WWC1: variants seen among roughly 807,000 people sequenced by gnomAD.
The protein encoded by WWC1 is protein KIBRA.
Under a neutral mutation model 138.4 loss-of-function variants are expected in WWC1, and 55 were observed. That is an observed-to-expected ratio of 0.40 (90% confidence interval 0.32 to 0.50). The LOEUF (loss-of-function observed/expected upper bound fraction) is 0.50, where lower values mean the gene tolerates loss of function less well. Ranked by LOEUF, WWC1 falls within the 20% of genes least tolerant of loss-of-function variation. The pLI is 0.72. For missense variants in WWC1, 1,226 were observed against 1,420.4 expected (o/e 0.86, Z 2.20); for synonymous variants, 524 against 564.9 (o/e 0.93, Z 1.03).
rs781184337 is a variant in WWC1, at chr5:168,414,470, G to A, written c.1064G>A (p.Arg355His). 22 of 1,567,832 alleles carry A rather than the reference G, an allele frequency of 1.4e-5. No individual in the cohort carries two copies. The highest frequency in any genetic ancestry group is 1.9e-5 in the Admixed American group (1 of 52,792). Residue 355 changes from arginine (R) to histidine (H), a missense_variant, in exon 9 of 23, where the codon CGC becomes CAC. By Grantham distance (29) the Arg-to-His change is conservative (BLOSUM62 0). Transcript: ENST00000265293. ...AAGGAGGAGCTGCTGAAGGAGATGC[G>A]CTTCATCAGCCCCCGCAAGTGGACC... ...NEKEELLKEMRFISPRKWTQG... is the reference protein window; with the variant it reads ...NEKEELLKEMHFISPRKWTQG...
rs1756089060 is a variant in WWC1, at chr5:168,454,119, A to G, written c.2658+19A>G. ...ATTAAAGGTAGGAAGGGCTGGGGGGATAGAAGGGCTGTCGTGGGGAAGGAA... is the reference window on the plus strand; with the variant it reads ...ATTAAAGGTAGGAAGGGCTGGGGGGGTAGAAGGGCTGTCGTGGGGAAGGAA... On this transcript the variant is annotated intron_variant, in intron 18 of 22. Transcript: ENST00000265293. The G allele has an allele frequency of 1.2e-6, 2 of 1,607,320 alleles. No individual in the cohort carries two copies. The highest frequency in any genetic ancestry group is 1.7e-5 in the Admixed American group (1 of 58,218).
chr5:168,446,261 A>T (rs976879092), intron 17 of WWC1, among the ~76,000 whole-genome samples: 5 of 137,962 alleles, frequency 3.6e-5, no homozygotes, highest in African/African-American at 1.4e-4. Context: ...AAAAAAAAAA[A>T]GGTTAGCAAG....
In WWC1 at chr5:168,469,204, A is replaced by G. The variant is rs968432131; in HGVS notation, c.*187A>G. On this transcript the variant is annotated 3_prime_UTR_variant, in exon 23 of 23. Transcript: ENST00000265293. ...GTTATTAAAAACAGAACAAAAACAA[A>G]ACACACACACACACAAAAACAGAAA... 8 of 579,182 alleles carry G rather than the reference A, an allele frequency of 1.4e-5. No homozygotes were observed. In the African/African-American group the frequency reaches 1.5e-4, roughly 11 times the overall value. The allele number at this position is 579,182 out of a possible 1,614,324, so 35.9% of individuals were successfully genotyped here.
chr5:168,301,815 A>G (rs1354128368), intron 1 of WWC1, among the ~76,000 whole-genome samples: 2 of 151,864 alleles, frequency 1.3e-5, no homozygotes, highest in South Asian at 4.2e-4. Flanking sequence ...AGGCCAACCT[A>G]CCCTCCTGTG....
intron 1 of WWC1, among the ~76,000 whole-genome samples, chr5:168,317,229 A>G (rs1480111905): frequency 2.0e-5 from 3 of 152,132 alleles, no homozygotes; most frequent in African/African-American, 7.2e-5. Context: ...CCAGTGCTGC[A>G]TTGTCTCAAG....
At position 168,414,571 on chromosome 5, in the gene WWC1, A is replaced by G; in HGVS notation, c.1165A>G (p.Ser389Gly). 1 of 1,552,788 alleles carries G rather than the reference A, an allele frequency of 6.4e-7. No homozygotes were observed. The highest frequency in any genetic ancestry group is 8.7e-7 in the Non-Finnish European group (1 of 1,148,318). The stretch of plus-strand genomic sequence containing the variant: ...CCTGCAGGCAGCCCGGGACACCCAG[A>G]GCAAGGCGCTGACGGAGAGGTGGGG... The part of the protein sequence containing the change: ...KDLQAARDTQ[S>G]KALTERLKLN... Residue 389 changes from serine to glycine, a missense_variant, in exon 9 of 23, where the codon AGC becomes GGC. Physicochemically the swap from Ser to Gly is moderately conservative, Grantham distance 56. This residue lies in a region of WWC1 where 1,016 missense variants were observed against 1,153.9 expected (regional missense o/e 0.88). Transcript: ENST00000265293.
At chr5:168,437,711 A>G (rs1582296755) in intron 15 of WWC1, among the ~76,000 whole-genome samples, 1 of 152,194 alleles carries the variant, frequency 6.6e-6, no homozygotes, top group African/African-American at 2.4e-5. Flanking sequence ...CAATACTCAC[A>G]CCTGTGAGCC....
intron 9 of WWC1, among the ~76,000 whole-genome samples, chr5:168,418,953 G>A (rs1780871875): frequency 6.6e-6 from 1 of 152,182 alleles, no homozygotes; most frequent in African/African-American, 2.4e-5. Context: ...CAGGGATTGA[G>A]CTGACCAAGA....
Position 168,338,521 on chromosome 5 carries a change from C to G in WWC1, c.120-32903C>G, listed in dbSNP as rs556565309. ...CCGCCTCCCGGGTTCAAGCGGTTCT[C>G]CTGCCTCAGCCTTCCGAGTAGCTGA... On this transcript the variant is annotated intron_variant, in intron 1 of 22. Transcript: ENST00000265293. 5.9e-5 allele frequency among the ~76,000 whole-genome samples: 9 copies of G among 151,334 alleles called. No homozygotes were observed. In the East Asian group the frequency reaches 1.8e-3, roughly 30 times the overall value.
At chr5:168,361,775 T>A (rs1775898689) in intron 1 of WWC1, among the ~76,000 whole-genome samples, 1 of 152,130 alleles carries the variant, frequency 6.6e-6, no homozygotes, top group South Asian at 2.1e-4. Context: ...GGGGCCTCAT[T>A]TGGGCAGCAG....
chr5:168,298,557 C>G (rs1005188321), intron 1 of WWC1, among the ~76,000 whole-genome samples: 2 of 152,156 alleles, frequency 1.3e-5, no homozygotes, highest in African/African-American at 2.4e-5. Context: ...TGGGAACATC[C>G]TATGTCAATT....
Position 168,464,783 on chromosome 5 carries a change from C to G in WWC1, c.2971C>G (p.Leu991Val). The change falls in exon 21 of 23, where the codon CTG (leucine) becomes GTG (valine). Residue 991 changes from leucine to valine, a missense_variant. Physicochemically the swap from Leu to Val is conservative, Grantham distance 32. Coordinates refer to ENST00000265293, the MANE Select transcript of WWC1 (RefSeq NM_015238.3). ...SERLIRTSLD[L>V]ELDLQATRTW... is the part of the protein sequence containing the mutation. ...GCGTCTGATCCGTACCTCGCTGGAC[C>G]TGGAGTTAGACCTGCAGGCGACAAG... 6.2e-7 allele frequency: 1 copy of G among 1,614,182 alleles called. No homozygotes were observed.
At chr5:168,350,043 C>A (rs555431910) in intron 1 of WWC1, among the ~76,000 whole-genome samples, 2 of 152,246 alleles carry the variant, frequency 1.3e-5, no homozygotes, top group Admixed American at 6.5e-5. Flanking sequence ...TATGGAAAAG[C>A]TCTCAGCTAA....
chr5:168,453,846 C>A, intron 17 of WWC1, 122 bp from the exon 18 acceptor site: 1 of 1,502,452 alleles, frequency 6.7e-7, no homozygotes, highest in Admixed American at 2.7e-5. Context: ...CCCCCCAAAA[C>A]TTTTTAAAAT....
At chr5:168,397,147 C>CT (rs551091855) in intron 3 of WWC1, among the ~76,000 whole-genome samples, 3,236 of 143,382 alleles carry the variant, frequency 0.023, 63 homozygotes, top group African/African-American at 0.045. Flanking sequence ...TTAAATTATT[C>CT]TTTTTTTTTT....
intron 1 of WWC1, among the ~76,000 whole-genome samples, chr5:168,310,380 C>A (rs10071387): frequency 0.75 from 112,801 of 150,688 alleles, 42,412 homozygotes; most frequent in African/African-American, 0.79. Context: ...AATTATTTAT[C>A]TAAACCATTT....
At chr5:168,308,168 T>C (rs1393965518) in intron 1 of WWC1, among the ~76,000 whole-genome samples, 6 of 152,196 alleles carry the variant, frequency 3.9e-5, no homozygotes, top group Admixed American at 3.9e-4. Context: ...CGTGCATGGG[T>C]TACCTTCCAC....
At chr5:168,362,093 A>G (rs1365927005) in intron 1 of WWC1, among the ~76,000 whole-genome samples, 3 of 152,142 alleles carry the variant, frequency 2.0e-5, no homozygotes, top group African/African-American at 2.4e-5. Flanking sequence ...CAAAAGATAA[A>G]TAAATAAATA....
At chr5:168,399,253 C>G (rs77118030) in intron 4 of WWC1, among the ~76,000 whole-genome samples, 1,720 of 152,272 alleles carry the variant, frequency 0.011, 28 homozygotes, top group East Asian at 0.026. Flanking sequence ...CAAGGACTGG[C>G]TAGGAATGAC....
Sources: allele counts gnomAD v4.1 joint callset (sites outside exome capture counted in the v4.1 genomes callset), GRCh38; gene constraint gnomAD v4.1.1; regional missense constraint gnomAD v4.1.1; transcripts MANE v1.5; gene names NCBI Gene and HGNC (gene_info 2026-07-23, HGNC 2026-07-21).